Variants in TERB2 observed in about 807,000 individuals in gnomAD.
TERB2 encodes the protein telomere repeat binding bouquet formation protein 2, also known as telomere repeats-binding bouquet formation protein 2.
In TERB2, 26 loss-of-function variants were observed where a neutral mutation model predicts 29.8. The observed-to-expected ratio is 0.87, with a 90% confidence interval of 0.64 to 1.21. The LOEUF is 1.21. TERB2 is among the 50% of genes most tolerant of loss of function. The pLI, the probability that TERB2 is intolerant of heterozygous loss-of-function variation, is 0.00. For synonymous variants in TERB2, 80 were observed against 90.8 expected (o/e 0.88, Z 0.68); for missense variants, 240 against 268.6 (o/e 0.89, Z 0.74).
chr15:44,972,914 G>A (rs1224718448), intron 5 of TERB2, among the ~76,000 whole-genome samples: 5 of 144,408 alleles, frequency 3.5e-5, no homozygotes, highest in South Asian at 2.2e-4. Context: ...GTGGAGTCTC[G>A]TTCTGTTGCC....
intron 5 of TERB2, among the ~76,000 whole-genome samples, chr15:44,972,833 A>T (rs1891990382): frequency 6.6e-6 from 1 of 151,998 alleles, no homozygotes; most frequent in South Asian, 2.1e-4. Context: ...AGCTTTTAAA[A>T]ATAAGAATAT....
At position 44,972,093 on chromosome 15, in the gene TERB2, G is replaced by A. The variant is rs1048496497; in HGVS notation, c.435-1774G>A. Among the ~76,000 whole-genome samples, 6 of 146,316 alleles carry A rather than the reference G, an allele frequency of 4.1e-5. No homozygotes were observed. The Admixed American group carries it at 4.2e-4, about 10-fold the overall frequency. ...CAACCTCCGCCTCCCAGGTTCAAGT[G>A]ATTCTCCTGCTTCAGCCTCCTGAGT... On this transcript the variant is annotated intron_variant, in intron 5 of 6. Transcript: ENST00000340827.
chr15:44,977,328 A>G lies in TERB2; in HGVS notation c.524-1161A>G, dbSNP rs537523502. Among the ~76,000 whole-genome samples the G allele has an allele frequency of 2.0e-5, 3 of 152,326 alleles. No individual in the cohort carries two copies. The East Asian group carries it at 5.8e-4, about 29-fold the overall frequency. On this transcript the variant is annotated intron_variant, in intron 6 of 6. Coordinates refer to ENST00000340827, the MANE Select transcript of TERB2 (RefSeq NM_152448.3). ...TCCTTAACTATTCAAAAATGCTACA[A>G]TAATCTATTTCTGATGCCATAAATG...
chr15:44,974,440 G>A (rs111662068), intron 6 of TERB2, among the ~76,000 whole-genome samples: 2,525 of 152,134 alleles, frequency 0.017, 22 homozygotes, highest in Middle Eastern at 0.031. Context: ...CACAAACTTT[G>A]CATATAATTG....
chr15:44,973,043 C>G (rs1347829041), intron 5 of TERB2, among the ~76,000 whole-genome samples: 5 of 151,268 alleles, frequency 3.3e-5, no homozygotes, highest in African/African-American at 1.2e-4. Context: ...CCACCACACC[C>G]AGCTGATTTG....
intron 4 of TERB2, among the ~76,000 whole-genome samples, chr15:44,962,462 T>A (rs1274725547): frequency 3.9e-5 from 6 of 152,104 alleles, no homozygotes; most frequent in Non-Finnish European, 7.4e-5. Context: ...GTGCTGGGAT[T>A]ACAGGCGTGA....
intron 4 of TERB2, 59 bp from the exon 5 acceptor site, chr15:44,966,099 A>G (rs1485466940): frequency 3.2e-6 from 3 of 935,102 alleles, no homozygotes; most frequent in Non-Finnish European, 4.6e-6. Context: ...TAAAAACATT[A>G]CTGATTGGAT....
In TERB2 at chr15:44,958,529, C is replaced by T; in HGVS notation, c.286+17C>T. The T allele has an allele frequency of 5.0e-6, 8 of 1,592,938 alleles. No individual in the cohort carries two copies. The highest frequency in any genetic ancestry group is 6.9e-6 in the Non-Finnish European group (8 of 1,167,720). Reference sequence around the variant, plus strand: ...TGCAAAAAGGTTAGCAAAGATCATTCAGCCAATCCCTGTCAGACAGCCAAA... The same window carrying T: ...TGCAAAAAGGTTAGCAAAGATCATTTAGCCAATCCCTGTCAGACAGCCAAA... On this transcript the variant is annotated intron_variant, in intron 3 of 6. Coordinates refer to ENST00000340827, the MANE Select transcript of TERB2 (RefSeq NM_152448.3).
intron 3 of TERB2, among the ~76,000 whole-genome samples, chr15:44,960,741 A>G (rs1350243286): frequency 6.6e-6 from 1 of 152,146 alleles, no homozygotes; most frequent in Non-Finnish European, 1.5e-5. Context: ...ACATGTAGCT[A>G]GTGGCTGCCA....
Position 44,978,758 on chromosome 15 carries a change from A to G in TERB2, c.*130A>G. ...AAATAATTTTTCTGTTTCTCAAAGTATATCTTTAGGAAATACAGAATCATT... is the reference window on the plus strand; with the variant it reads ...AAATAATTTTTCTGTTTCTCAAAGTGTATCTTTAGGAAATACAGAATCATT... On this transcript the variant is annotated 3_prime_UTR_variant, in exon 7 of 7. Transcript: ENST00000340827. 1 of 1,202,462 alleles carries G rather than the reference A, an allele frequency of 8.3e-7. No homozygotes were observed. The highest frequency in any genetic ancestry group is 3.1e-4 in the Middle Eastern group (1 of 3,202). The allele number at this position is 1,202,462 out of a possible 1,614,324, so 74.5% of individuals were successfully genotyped here.
At position 44,966,101 on chromosome 15, in the gene TERB2, T is replaced by G. The variant is rs1008993317; in HGVS notation, c.349-57T>G. 9 of 961,716 alleles carry G rather than the reference T, an allele frequency of 9.4e-6. No homozygotes were observed. The African/African-American group carries it at 1.5e-4, about 17-fold the overall frequency. 59.6% of individuals were successfully genotyped at this position (961,716 alleles called of 1,614,324 possible). ...TATTTTTCCTTTTTAAAAACATTACTGATTGGATCACTGGTATGACGATTT... is the reference window on the plus strand; with the variant it reads ...TATTTTTCCTTTTTAAAAACATTACGGATTGGATCACTGGTATGACGATTT... On this transcript the variant is annotated intron_variant, in intron 4 of 6. Coordinates refer to ENST00000340827, the MANE Select transcript of TERB2 (RefSeq NM_152448.3).
chr15:44,961,555 G>A lies in TERB2; in HGVS notation c.319G>A (p.Glu107Lys), dbSNP rs751065771. The change falls in exon 4 of 7, where the codon GAA (glutamate) becomes AAA (lysine). Residue 107 changes from glutamate (E) to lysine (K), a missense_variant. By Grantham distance (56) the Glu-to-Lys change is moderately conservative. Transcript: ENST00000340827. ...IRRKIGSFIW[E>K]QDQHFLIEKH... ...AAGAAAAATTGGTAGTTTTATTTGG[G>A]AACAAGACCAACATTTTCTGATAGA... The A allele has an allele frequency of 6.3e-7, 1 of 1,598,718 alleles. No individual in the cohort carries two copies. Among genetic ancestry groups the A allele is most frequent in the South Asian group, 1.1e-5 (1 of 88,156 alleles).
intron 5 of TERB2, among the ~76,000 whole-genome samples, chr15:44,971,981 C>CTTTT (rs71111900): frequency 1.3e-3 from 85 of 66,354 alleles, no homozygotes; most frequent in Admixed American, 1.9e-3. Context: ...GAAATAGAAG[C>CTTTT]TTTTTTTTTT....
Position 44,956,705 on chromosome 15 carries a change from G to A in TERB2, c.-14G>A. On this transcript the variant is annotated 5_prime_UTR_variant, in exon 1 of 7. Transcript: ENST00000340827. ...CGGCCTCCTCTCTCACATCTCCACA[G>A]GCTTGGCGACGCCATGTTTCAAGGG... The A allele has an allele frequency of 6.3e-7, 1 of 1,598,442 alleles. No homozygotes were observed. Among genetic ancestry groups the A allele is most frequent in the Non-Finnish European group, 8.5e-7 (1 of 1,173,152 alleles).
rs192352356 is a variant in TERB2, at chr15:44,978,749, T to C, written c.*121T>C. Reference sequence around the variant, plus strand: ...TGAAATGGGAAATAATTTTTCTGTTTCTCAAAGTATATCTTTAGGAAATAC... The same window carrying C: ...TGAAATGGGAAATAATTTTTCTGTTCCTCAAAGTATATCTTTAGGAAATAC... On this transcript the variant is annotated 3_prime_UTR_variant, in exon 7 of 7. Coordinates refer to ENST00000340827, the MANE Select transcript of TERB2 (RefSeq NM_152448.3). The C allele has an allele frequency of 1.5e-5, 19 of 1,233,378 alleles. 1 individual carries two copies. In the Admixed American group the frequency reaches 2.8e-4, roughly 18 times the overall value. The allele number at this position is 1,233,378 out of a possible 1,614,324, so 76.4% of individuals were successfully genotyped here.
Position 44,966,156 on chromosome 15 carries a change from A to C in TERB2, c.349-2A>C. ...AAATGTGATTTACTTTTCTATCCAC[A>C]GCATGATGAAGTAACACCAAATGAA... On this transcript the variant is annotated splice_acceptor_variant, in intron 4 of 6. Coordinates refer to ENST00000340827, the MANE Select transcript of TERB2 (RefSeq NM_152448.3). LOFTEE classifies it high-confidence loss of function. The C allele has an allele frequency of 6.6e-7, 1 of 1,516,718 alleles. No homozygotes were observed. Among genetic ancestry groups the C allele is most frequent in the African/African-American group, 1.4e-5 (1 of 69,992 alleles). The allele number at this position is 1,516,718 out of a possible 1,614,324, so 94.0% of individuals were successfully genotyped here.
intron 6 of TERB2, among the ~76,000 whole-genome samples, chr15:44,974,388 T>TC (rs1892013393): frequency 6.6e-6 from 1 of 152,180 alleles, no homozygotes. Context: ...CCATTCAATA[T>TC]CAAATATATA....
intron 4 of TERB2, among the ~76,000 whole-genome samples, chr15:44,963,954 G>A (rs1891845818): frequency 6.6e-6 from 1 of 151,730 alleles, no homozygotes. Context: ...GGGATTACAG[G>A]CACCCGCCAC....
rs1891729526 is a variant in TERB2 at position 44,957,198 on chromosome 15, A to G, written c.146+221A>G. ...CACTGCACTCCAGCCTGGGTGACAG[A>G]GCAAGATTCCATCTCAAAAAAAAAA... On this transcript the variant is annotated intron_variant, in intron 2 of 6. Transcript: ENST00000340827. 2.0e-5 allele frequency among the ~76,000 whole-genome samples: 3 copies of G among 151,482 alleles called. No homozygotes were observed. In the East Asian group the frequency reaches 5.8e-4, roughly 29 times the overall value.
Sources: allele counts gnomAD v4.1 joint callset (sites outside exome capture counted in the v4.1 genomes callset), GRCh38; gene constraint gnomAD v4.1.1; transcripts MANE v1.5; gene names NCBI Gene and HGNC (gene_info 2026-07-23, HGNC 2026-07-21).